LRRTM4: variants seen among roughly 807,000 people sequenced by gnomAD.
LRRTM4 encodes the protein leucine-rich repeat transmembrane neuronal protein 4.
LRRTM4 carries 25 observed loss-of-function variants against 47.6 expected under a neutral mutation model. That is an observed-to-expected ratio of 0.53 (90% CI 0.38 to 0.73). LRRTM4 has a LOEUF of 0.73. Among genes scored for constraint, LRRTM4 ranks in the 30% least tolerant of loss-of-function variants. The pLI is 0.00. For missense variants in LRRTM4, 638 were observed against 713.4 expected, an observed-to-expected ratio of 0.89 and a Z score of 1.20; for synonymous variants, 311 against 269.5, an observed-to-expected ratio of 1.15 and a Z score of -1.51.
In LRRTM4 at chr2:76,968,159, GA is replaced by G. The variant is rs1024257239; in HGVS notation, c.1552-219244del. The stretch of plus-strand genomic sequence containing the variant: ...ATTCACTTATGCAAAGCCTACACAG[GA>G]AAAAAAAAGTAGCTTACAAGACATT... On this transcript the variant is annotated intron_variant, in intron 3 of 3. Transcript: ENST00000409884. Among the ~76,000 whole-genome samples the G allele has an allele frequency of 1.2e-4, 17 of 146,148 alleles. No homozygotes were observed. The East Asian group carries it at 2.0e-3, about 17-fold the overall frequency.
intron 3 of LRRTM4, among the ~76,000 whole-genome samples, chr2:77,150,166 A>C (rs889780647): frequency 1.3e-5 from 2 of 152,136 alleles, no homozygotes; most frequent in Admixed American, 6.6e-5. Flanking sequence ...AAAAAAAATC[A>C]TAATAGGAGT....
intron 3 of LRRTM4, among the ~76,000 whole-genome samples, chr2:77,114,508 C>G (rs753176689): frequency 6.6e-6 from 1 of 152,112 alleles, no homozygotes; most frequent in African/African-American, 2.4e-5. Flanking sequence ...ACCAGACAGA[C>G]GAACATTTCT....
At chr2:77,058,025 T>C (rs1309310774) in intron 3 of LRRTM4, among the ~76,000 whole-genome samples, 1 of 152,182 alleles carries the variant, frequency 6.6e-6, no homozygotes, top group Non-Finnish European at 1.5e-5. Context: ...TTTGTCAATA[T>C]TTTGTCAATA....
At chr2:76,779,965 A>G (rs1674270533) in intron 3 of LRRTM4, among the ~76,000 whole-genome samples, 1 of 152,094 alleles carries the variant, frequency 6.6e-6, no homozygotes. Flanking sequence ...TGGTGGTGAC[A>G]AAATCTCTCA....
At chr2:76,899,471 G>A (rs1673547306) in intron 3 of LRRTM4, among the ~76,000 whole-genome samples, 1 of 151,946 alleles carries the variant, frequency 6.6e-6, no homozygotes. Flanking sequence ...TTATGGAGAA[G>A]GTGATATTTG....
chr2:77,479,267 T>C (rs1573470221), intron 3 of LRRTM4, among the ~76,000 whole-genome samples: 1 of 152,174 alleles, frequency 6.6e-6, no homozygotes, highest in South Asian at 2.1e-4. Flanking sequence ...ACCTTTTCAT[T>C]AGTGCTAAGG....
intron 3 of LRRTM4, among the ~76,000 whole-genome samples, chr2:77,293,712 T>C (rs1440387804): frequency 6.6e-6 from 1 of 152,142 alleles, no homozygotes; most frequent in East Asian, 1.9e-4. Flanking sequence ...AATATAATTT[T>C]CAATCCCTTG....
At chr2:77,328,665 G>A (rs947003205) in intron 3 of LRRTM4, among the ~76,000 whole-genome samples, 2 of 152,162 alleles carry the variant, frequency 1.3e-5, no homozygotes, top group African/African-American at 2.4e-5. Context: ...AGCCCTGGGG[G>A]AGAGTGCAGT....
chr2:76,795,659 T>G (rs1675257175), intron 3 of LRRTM4, among the ~76,000 whole-genome samples: 1 of 152,148 alleles, frequency 6.6e-6, no homozygotes, highest in African/African-American at 2.4e-5. Flanking sequence ...TCTTGGCTAT[T>G]ATGAATAACA....
At chr2:76,938,611 A>G (rs1441819587) in intron 3 of LRRTM4, among the ~76,000 whole-genome samples, 1 of 152,162 alleles carries the variant, frequency 6.6e-6, no homozygotes, top group African/African-American at 2.4e-5. Flanking sequence ...CTACATTTCA[A>G]GTAATTTTCT....
At chr2:77,337,393 T>C (rs1177634791) in intron 3 of LRRTM4, among the ~76,000 whole-genome samples, 1 of 152,128 alleles carries the variant, frequency 6.6e-6, no homozygotes, top group East Asian at 1.9e-4. Flanking sequence ...TTCACATGGA[T>C]TCAGGAAAGA....
intron 3 of LRRTM4, among the ~76,000 whole-genome samples, chr2:77,212,246 A>G (rs1402198363): frequency 6.7e-6 from 1 of 148,596 alleles, no homozygotes. Context: ...ATGAAATAAC[A>G]TATTTTGATA....
intron 3 of LRRTM4, among the ~76,000 whole-genome samples, chr2:76,835,711 A>G (rs970632228): frequency 6.6e-6 from 1 of 152,026 alleles, no homozygotes; most frequent in Non-Finnish European, 1.5e-5. Context: ...TTAGGTATAT[A>G]TTTCTTTATA....
intron 3 of LRRTM4, among the ~76,000 whole-genome samples, chr2:77,490,801 T>G (rs1678123377): frequency 6.6e-6 from 1 of 152,140 alleles, no homozygotes; most frequent in African/African-American, 2.4e-5. Flanking sequence ...TTCCCTGTGC[T>G]TTTGCAAACA....
intron 3 of LRRTM4, among the ~76,000 whole-genome samples, chr2:77,491,740 T>G (rs1310812534): frequency 1.3e-5 from 2 of 151,878 alleles, no homozygotes; most frequent in Non-Finnish European, 2.9e-5. Flanking sequence ...AGTAAAGGAA[T>G]AAGAGTCCTT....
At chr2:77,227,776 C>T (rs1013693488) in intron 3 of LRRTM4, among the ~76,000 whole-genome samples, 1 of 152,012 alleles carries the variant, frequency 6.6e-6, no homozygotes, top group Non-Finnish European at 1.5e-5. Flanking sequence ...TGTGCAATAA[C>T]TGTTATCTTT....
At chr2:77,426,754 C>T (rs766008492) in intron 3 of LRRTM4, among the ~76,000 whole-genome samples, 34 of 151,934 alleles carry the variant, frequency 2.2e-4, no homozygotes, top group Non-Finnish European at 4.3e-4. Context: ...CTCTTTTTCT[C>T]TCTCTCCATG....
At chr2:77,030,240 G>A (rs979709198) in intron 3 of LRRTM4, among the ~76,000 whole-genome samples, 3 of 152,074 alleles carry the variant, frequency 2.0e-5, no homozygotes, top group African/African-American at 7.2e-5. Context: ...AGACCATCCT[G>A]GCTAACACAG....
chr2:76,872,737 G>C (rs1672661080), intron 3 of LRRTM4, among the ~76,000 whole-genome samples: 1 of 152,008 alleles, frequency 6.6e-6, no homozygotes, highest in African/African-American at 2.4e-5. Context: ...TAATGTAGGA[G>C]GTGAGACCTA....
Sources: gnomAD v4.1 joint callset for allele counts (sites outside exome capture counted in the v4.1 genomes callset) on GRCh38, gnomAD v4.1.1 for gene constraint, MANE v1.5 for transcripts, NCBI Gene and HGNC (gene_info 2026-07-23, HGNC 2026-07-21) for gene names.